GLIS3: variants seen among roughly 807,000 people sequenced by gnomAD.
GLIS3 encodes the protein GLIS family zinc finger 3, also known as zinc finger protein GLIS3.
A neutral mutation model predicts 78.6 loss-of-function variants in GLIS3; 53 were observed. The ratio of observed to expected loss-of-function variants is 0.67; its 90% CI spans 0.54 to 0.85. GLIS3 has a LOEUF of 0.85. Among genes scored for constraint, GLIS3 ranks in the 40% least tolerant of loss-of-function variants. The pLI is 0.00. For synonymous variants in GLIS3, 684 were observed against 509.9 expected (o/e 1.34, Z -4.60); for missense variants, 1,703 against 1,231.1 (o/e 1.38, Z -5.74).
the GLIS3 span, among the ~76,000 whole-genome samples, chr9:4,473,923 C>A: frequency 6.6e-6 from 1 of 151,732 alleles, no homozygotes; most frequent in South Asian, 2.1e-4. Flanking sequence ...TTTAAAAAAA[C>A]TAAAAAAGAC....
At position 3,976,121 on chromosome 9, in the gene GLIS3, T is replaced by C. The variant is rs564105833; in HGVS notation, c.1711-38932A>G. The stretch of plus-strand genomic sequence containing the variant: ...GAAGATTTTGGTTTCTTTAAAAAAA[T>C]ATTTTGACAATTTGTGACAAATGCA... On this transcript the variant is annotated intron_variant, in intron 4 of 10. Coordinates refer to ENST00000381971, the MANE Select transcript of GLIS3 (RefSeq NM_001042413.2). Among the ~76,000 whole-genome samples, 19 of 152,230 alleles carry C rather than the reference T, an allele frequency of 1.2e-4. No individual in the cohort carries two copies. The South Asian group carries it at 2.1e-3, about 17-fold the overall frequency.
At chr9:4,097,699 A>C (rs539592902) in intron 4 of GLIS3, among the ~76,000 whole-genome samples, 2 of 152,226 alleles carry the variant, frequency 1.3e-5, no homozygotes, top group Non-Finnish European at 2.9e-5. Context: ...TTGAATGTGA[A>C]GCACACTGAA....
chr9:4,418,104 T>G, the GLIS3 span, among the ~76,000 whole-genome samples: 6 of 152,194 alleles, frequency 3.9e-5, no homozygotes, highest in African/African-American at 1.2e-4. Flanking sequence ...TGAGAAACAC[T>G]GGGCTAGAGG....
the GLIS3 span, among the ~76,000 whole-genome samples, chr9:4,394,700 C>G: frequency 1.3e-5 from 2 of 152,126 alleles, no homozygotes; most frequent in South Asian, 4.1e-4. Flanking sequence ...TGAAGAAAAC[C>G]TAATTTTGCA....
intron 2 of GLIS3, among the ~76,000 whole-genome samples, chr9:4,140,091 G>A (rs1161759298): frequency 1.3e-5 from 2 of 152,196 alleles, no homozygotes; most frequent in Non-Finnish European, 2.9e-5. Flanking sequence ...ATAGCCGCCA[G>A]ACCAGGTAGA....
the GLIS3 span, among the ~76,000 whole-genome samples, chr9:4,430,364 C>T: frequency 6.8e-6 from 1 of 147,262 alleles, no homozygotes; most frequent in Middle Eastern, 3.2e-3. Context: ...TCACACATAA[C>T]ATATCTGCAG....
chr9:4,326,025 T>C (rs960514086), intron 2 of GLIS3, among the ~76,000 whole-genome samples: 3 of 152,048 alleles, frequency 2.0e-5, no homozygotes, highest in Non-Finnish European at 4.4e-5. Flanking sequence ...GTACACACTG[T>C]GGGGAACAAC....
chr9:4,353,546 G>C, the GLIS3 span, among the ~76,000 whole-genome samples: 3 of 152,248 alleles, frequency 2.0e-5, no homozygotes, highest in Non-Finnish European at 1.5e-5. Flanking sequence ...ATGTGTACTT[G>C]TGTGTTGACA....
chr9:3,885,909 T>C (rs968224256), intron 7 of GLIS3, among the ~76,000 whole-genome samples: 2 of 152,228 alleles, frequency 1.3e-5, no homozygotes, highest in African/African-American at 4.8e-5. Context: ...TAGCTATTAA[T>C]AGCAATGTGT....
At chr9:4,109,512 C>G (rs1831039437) in intron 4 of GLIS3, among the ~76,000 whole-genome samples, 1 of 152,152 alleles carries the variant, frequency 6.6e-6, no homozygotes, top group Non-Finnish European at 1.5e-5. Context: ...TGATAGCTGC[C>G]AAGAGATATG....
chr9:4,186,823 A>T (rs200114320), intron 2 of GLIS3, among the ~76,000 whole-genome samples: 5,267 of 151,760 alleles, frequency 0.035, 306 homozygotes, highest in African/African-American at 0.12. Flanking sequence ...GTTCATATCC[A>T]TTGCCCACTT....
intron 7 of GLIS3, among the ~76,000 whole-genome samples, chr9:3,888,108 T>C (rs575810165): frequency 6.6e-4 from 100 of 152,236 alleles, no homozygotes; most frequent in African/African-American, 2.3e-3. Context: ...TTAACCCTCA[T>C]TGGGGCAGAG....
At chr9:4,286,920 T>C (rs1476093853) in intron 1 of GLIS3, among the ~76,000 whole-genome samples, 1 of 152,232 alleles carries the variant, frequency 6.6e-6, no homozygotes, top group African/African-American at 2.4e-5. Flanking sequence ...GTGAGACCAA[T>C]GCTTCAAAGT....
intron 4 of GLIS3, among the ~76,000 whole-genome samples, chr9:3,983,176 C>A (rs1158043574): frequency 1.3e-5 from 2 of 152,156 alleles, no homozygotes. Context: ...GTGAATGAGT[C>A]TCACAAGATC....
chr9:4,449,005 C>T, the GLIS3 span, among the ~76,000 whole-genome samples: 1 of 152,140 alleles, frequency 6.6e-6, no homozygotes, highest in African/African-American at 2.4e-5. Flanking sequence ...TGAGCTGAAG[C>T]AGGGCAGGGT....
the GLIS3 span, among the ~76,000 whole-genome samples, chr9:4,385,854 C>G: frequency 2.0e-5 from 3 of 151,784 alleles, no homozygotes; most frequent in African/African-American, 7.3e-5. Flanking sequence ...GTTCTTTTTC[C>G]TGGTGCACAA....
intron 4 of GLIS3, among the ~76,000 whole-genome samples, chr9:3,988,010 T>A (rs1300332847): frequency 6.6e-6 from 1 of 152,004 alleles, no homozygotes; most frequent in African/African-American, 2.4e-5. Flanking sequence ...AAATTTAATA[T>A]ATTTAAGGTC....
intron 6 of GLIS3, chr9:3,899,057 G>A: frequency 1.7e-6 from 1 of 598,068 alleles, no homozygotes; most frequent in Non-Finnish European, 3.0e-6. Context: ...GCTAGAGGCG[G>A]ATTTGACTTC....
chr9:4,022,978 G>C (rs996257319), intron 4 of GLIS3, among the ~76,000 whole-genome samples: 1 of 152,140 alleles, frequency 6.6e-6, no homozygotes, highest in African/African-American at 2.4e-5. Flanking sequence ...TGCTCTCTCT[G>C]TTGTCTTGTT....
Sources: allele counts gnomAD v4.1 joint callset (sites outside exome capture counted in the v4.1 genomes callset), GRCh38; gene constraint gnomAD v4.1.1; transcripts MANE v1.5; gene names NCBI Gene and HGNC (gene_info 2026-07-23, HGNC 2026-07-21).